The following ZBTB20 variants were observed in gnomAD, a reference collection of about 807,000 sequenced individuals.
The protein encoded by ZBTB20 is zinc finger and BTB domain containing 20.
ZBTB20 carries 9 observed loss-of-function variants against 56.9 expected under a neutral mutation model. The ratio of observed to expected loss-of-function variants is 0.16; its 90% CI spans 0.10 to 0.28. The LOEUF (loss-of-function observed/expected upper bound fraction) is 0.28, where lower values mean the gene tolerates loss of function less well. Ranked by LOEUF, ZBTB20 falls within the 10% of genes least tolerant of loss-of-function variation. The pLI, the probability that ZBTB20 is intolerant of heterozygous loss-of-function variation, is 1.00. For missense variants in ZBTB20, 655 were observed against 1,003.0 expected, an observed-to-expected ratio of 0.65 and a Z score of 4.69; for synonymous variants, 417 against 420.7, an observed-to-expected ratio of 0.99 and a Z score of 0.11.
rs1199868792 is a variant in ZBTB20 at position 114,351,742 on chromosome 3, C to G, written c.336G>C (p.Gly112=). 1.9e-6 allele frequency: 3 copies of G among 1,613,914 alleles called. No homozygotes were observed. The African/African-American group carries it at 4.0e-5, about 22-fold the overall frequency. ...HFCDVTVRIH[G]SMLRAHRCVL... The stretch of plus-strand genomic sequence containing the variant: ...CGCAGCGGTGTGCGCGCAGCATGCT[C>G]CCGTGGATGCGCACCGTTACGTCAC... The change falls in exon 11 of 12, where the codon GGG becomes GGC. Residue 112 remains glycine, a synonymous_variant. Transcript: ENST00000675478.
At chr3:114,622,314 T>G (rs1056801764) in intron 6 of ZBTB20, among the ~76,000 whole-genome samples, 2 of 152,034 alleles carry the variant, frequency 1.3e-5, no homozygotes, top group Non-Finnish European at 1.5e-5. Flanking sequence ...CTTTTTTTCT[T>G]TAGAAAACAA....
At chr3:115,102,907 G>C (rs766197158) in intron 1 of ZBTB20, 4 of 151,812 alleles carry the variant, frequency 2.6e-5, no homozygotes, top group Non-Finnish European at 5.9e-5. Flanking sequence ...GGAGGCTGCA[G>C]TGAACCAAGA....
rs564119976 is a variant in ZBTB20 at position 114,338,895 on chromosome 3, A to G, written c.*110T>C. The G allele has an allele frequency of 6.1e-4, 801 of 1,306,956 alleles. 5 individuals carry two copies. The Middle Eastern group carries it at 9.3e-3, about 15-fold the overall frequency. 81.0% of individuals were successfully genotyped at this position (1,306,956 alleles called of 1,614,324 possible). The stretch of plus-strand genomic sequence containing the variant: ...AAACGAAACAAAAACAAAAACAGAA[A>G]GTAAAAATGAAACCAAAACATTTCT... On this transcript the variant is annotated 3_prime_UTR_variant, in exon 12 of 12. Coordinates refer to ENST00000675478, the MANE Select transcript of ZBTB20 (RefSeq NM_001348800.3).
chr3:114,662,743 G>A (rs1036057409), intron 6 of ZBTB20, among the ~76,000 whole-genome samples: 3 of 150,824 alleles, frequency 2.0e-5, no homozygotes, highest in African/African-American at 7.3e-5. Context: ...CCCACTTTTT[G>A]ATGGGGTTGT....
At chr3:114,357,911 A>T (rs2081416723) in intron 10 of ZBTB20, among the ~76,000 whole-genome samples, 1 of 152,204 alleles carries the variant, frequency 6.6e-6, no homozygotes, top group Admixed American at 6.5e-5. Flanking sequence ...ATATTTTTTA[A>T]AAAGATTGAA....
At chr3:114,841,704 G>A (rs1426735953) in intron 4 of ZBTB20, among the ~76,000 whole-genome samples, 1 of 152,128 alleles carries the variant, frequency 6.6e-6, no homozygotes, top group Admixed American at 6.5e-5. Flanking sequence ...AGCATGTTTG[G>A]GGCAAAGAGG....
rs114178874 is a variant in ZBTB20, at chr3:115,078,823, C to A, written c.-702-7409G>T. On this transcript the variant is annotated intron_variant, in intron 1 of 11. Transcript: ENST00000675478. ...TAATCATCTCACCTGGTCCTCACAACAACCATGAGGTAAAAAAAAGTTGAA... is the reference window on the plus strand; with the variant it reads ...TAATCATCTCACCTGGTCCTCACAAAAACCATGAGGTAAAAAAAAGTTGAA... 5.3e-3 allele frequency among the ~76,000 whole-genome samples: 812 copies of A among 151,978 alleles called. 9 individuals carry two copies. The highest frequency in any genetic ancestry group is 0.019 in the African/African-American group (791 of 41,454).
intron 6 of ZBTB20, among the ~76,000 whole-genome samples, chr3:114,585,501 T>C (rs2055089549): frequency 6.6e-6 from 1 of 152,194 alleles, no homozygotes. Flanking sequence ...GTTCAGAGGA[T>C]GCAGGAAGAA....
chr3:115,123,140 A>G (rs1416068060), intron 1 of ZBTB20, among the ~76,000 whole-genome samples: 2 of 152,088 alleles, frequency 1.3e-5, no homozygotes, highest in African/African-American at 4.8e-5. Context: ...TATTTTCTCA[A>G]ATTTACATTC....
intron 5 of ZBTB20, among the ~76,000 whole-genome samples, chr3:114,725,582 T>C (rs1225684982): frequency 6.6e-6 from 1 of 152,240 alleles, no homozygotes; most frequent in Non-Finnish European, 1.5e-5. Context: ...CTAAAATGAA[T>C]ATACTCAACT....
chr3:114,457,638 C>T (rs977624109), intron 7 of ZBTB20, among the ~76,000 whole-genome samples: 1 of 152,104 alleles, frequency 6.6e-6, no homozygotes, highest in East Asian at 1.9e-4. Context: ...CAACATATTA[C>T]TAATTGGCTT....
intron 6 of ZBTB20, among the ~76,000 whole-genome samples, chr3:114,670,751 A>T (rs2061320144): frequency 6.6e-6 from 1 of 152,126 alleles, no homozygotes; most frequent in Non-Finnish European, 1.5e-5. Context: ...ATAACTGAAG[A>T]ACAATAAGAA....
intron 5 of ZBTB20, among the ~76,000 whole-genome samples, chr3:114,711,293 T>C (rs965518948): frequency 2.0e-5 from 3 of 152,214 alleles, no homozygotes; most frequent in Non-Finnish European, 4.4e-5. Context: ...TCCCAGTAAT[T>C]AGAACAATGT....
chr3:114,696,835 T>C (rs371686303), intron 5 of ZBTB20, among the ~76,000 whole-genome samples: 6 of 151,730 alleles, frequency 4.0e-5, no homozygotes, highest in African/African-American at 1.2e-4. Context: ...AAGAGAGAGA[T>C]TTATTGTACA....
At chr3:114,861,386 C>T (rs1446507320) in intron 4 of ZBTB20, among the ~76,000 whole-genome samples, 1 of 152,008 alleles carries the variant, frequency 6.6e-6, no homozygotes, top group East Asian at 1.9e-4. Context: ...ATGGTAGGTG[C>T]TCACTATATA....
At position 114,605,952 on chromosome 3, in the gene ZBTB20, G is replaced by T. The variant is rs146995733; in HGVS notation, c.-295+87576C>A. 3.6e-3 allele frequency among the ~76,000 whole-genome samples: 552 copies of T among 152,318 alleles called. 6 individuals are homozygous for T. Among genetic ancestry groups the T allele is most frequent in the African/African-American group, 0.012 (517 of 41,584 alleles). ...ATGAGTTTTCAGGCCCATCCAGATT[G>T]TGATGGAAGCACTACTTTAGATAAG... On this transcript the variant is annotated intron_variant, in intron 6 of 11. Coordinates refer to ENST00000675478, the MANE Select transcript of ZBTB20 (RefSeq NM_001348800.3).
intron 3 of ZBTB20, among the ~76,000 whole-genome samples, chr3:114,935,198 T>C (rs555708108): frequency 2.6e-4 from 40 of 152,286 alleles, no homozygotes; most frequent in Non-Finnish European, 5.3e-4. Flanking sequence ...CTCCCTACCA[T>C]GTTCTTGGCA....
At chr3:115,063,107 A>G (rs542793528) in intron 2 of ZBTB20, among the ~76,000 whole-genome samples, 1 of 152,334 alleles carries the variant, frequency 6.6e-6, no homozygotes, top group African/African-American at 2.4e-5. Context: ...TTCAAACAGC[A>G]TGCGAAAACC....
At chr3:115,004,972 TAAAC>T (rs1469857392) in intron 2 of ZBTB20, among the ~76,000 whole-genome samples, 2 of 151,582 alleles carry the variant, frequency 1.3e-5, no homozygotes, top group Non-Finnish European at 3.0e-5. Context: ...TTCCAAATGT[TAAAC>T]AGAGTTACTA....
Sources: allele counts gnomAD v4.1 joint callset (sites outside exome capture counted in the v4.1 genomes callset), GRCh38; gene constraint gnomAD v4.1.1; transcripts MANE v1.5; gene names NCBI Gene and HGNC (gene_info 2026-07-23, HGNC 2026-07-21).